Variants in FABP4 observed in about 807,000 individuals in gnomAD.
FABP4 encodes the protein fatty acid binding protein 4.
A neutral mutation model predicts 14.6 loss-of-function variants in FABP4; 17 were observed. That is an observed-to-expected ratio of 1.16 (90% CI 0.80 to 1.74). The LOEUF is 1.74. Among genes scored for constraint, FABP4 ranks in the 40% most tolerant of loss-of-function variants. FABP4 has a pLI of 0.00. For missense variants in FABP4, 149 were observed against 160.3 expected (o/e 0.93, Z 0.38); for synonymous variants, 54 against 54.6 (o/e 0.99, Z 0.05).
chr8:81,480,171 G>A (rs182507249), intron 2 of FABP4, among the ~76,000 whole-genome samples: 2 of 152,264 alleles, frequency 1.3e-5, no homozygotes, highest in African/African-American at 4.8e-5. Flanking sequence ...ATTGTGCCAT[G>A]TCACCGCAGC....
At chr8:81,480,632 C>T in intron 1 of FABP4, 34 bp from the exon 2 acceptor site, 1 of 1,579,350 alleles carries the variant, frequency 6.3e-7, no homozygotes, top group Non-Finnish European at 8.6e-7. Context: ...GTCAGATTTA[C>T]ATTTTCTCTC....
Position 81,483,147 on chromosome 8 carries a change from A to T in FABP4, c.21T>A (p.Gly7=). 1 of 1,610,982 alleles carries T rather than the reference A, an allele frequency of 6.2e-7. No homozygotes were observed. Among genetic ancestry groups the T allele is most frequent in the Non-Finnish European group, 8.5e-7 (1 of 1,178,638 alleles). The change falls in exon 1 of 4, where the codon GGT becomes GGA. Residue 7 remains glycine, a synonymous_variant. Transcript: ENST00000256104. ...TTTCACTGGAGACAAGTTTCCAGGT[A>T]CCTACAAAAGCATCACACATTTTGT... is the stretch of plus-strand genomic sequence containing the variant. MCDAFV[G]TWKLVSSENF...
chr8:81,479,784 A>G (rs779923457), intron 2 of FABP4: 31 of 268,762 alleles, frequency 1.2e-4, no homozygotes, highest in Non-Finnish European at 2.1e-4. Flanking sequence ...TGGTAGTAGT[A>G]TGGGTGGTTT....
intron 2 of FABP4, 53 bp from the exon 3 acceptor site, chr8:81,479,568 T>A: frequency 7.5e-7 from 1 of 1,329,104 alleles, no homozygotes; most frequent in Non-Finnish European, 1.1e-6. Flanking sequence ...CAGAAAAAAA[T>A]TTAAAATAGA....
chr8:81,483,013 C>T lies in FABP4; in HGVS notation c.73+82G>A. ...TTCATTTCTGGCCAGGGCTTCCAGA[C>T]ATTGCTATAAACACAGCTGTAAACT... On this transcript the variant is annotated intron_variant, in intron 1 of 3. Coordinates refer to ENST00000256104, the MANE Select transcript of FABP4 (RefSeq NM_001442.3). 6 of 1,087,242 alleles carry T rather than the reference C, an allele frequency of 5.5e-6. No individual in the cohort carries two copies. In the South Asian group the frequency reaches 1.1e-4, roughly 19 times the overall value. 67.3% of individuals were successfully genotyped at this position (1,087,242 alleles called of 1,614,324 possible). A position where few individuals can be genotyped will look rare whatever the true frequency, so the allele number is the denominator to read the frequency against.
chr8:81,481,083 T>C (rs953700661), intron 1 of FABP4, among the ~76,000 whole-genome samples: 1 of 152,174 alleles, frequency 6.6e-6, no homozygotes, highest in Non-Finnish European at 1.5e-5. Context: ...TGGGGGTTAA[T>C]GTAGAGTTAT....
intron 1 of FABP4, among the ~76,000 whole-genome samples, chr8:81,481,033 C>A (rs1808071875): frequency 6.6e-6 from 1 of 152,110 alleles, no homozygotes; most frequent in Non-Finnish European, 1.5e-5. Flanking sequence ...CTCAATATTA[C>A]ATTTAAGAAG....
chr8:81,478,775 T>C lies in FABP4; in HGVS notation c.*90A>G. Reference sequence around the variant, plus strand: ...AGAAAATTAGTTGCTTGCTAAATCATGGAAAACAACAATATCTTTTTGAAC... The same window carrying C: ...AGAAAATTAGTTGCTTGCTAAATCACGGAAAACAACAATATCTTTTTGAAC... On this transcript the variant is annotated 3_prime_UTR_variant, in exon 4 of 4. Transcript: ENST00000256104. 1 of 1,224,554 alleles carries C rather than the reference T, an allele frequency of 8.2e-7. No homozygotes were observed. The highest frequency in any genetic ancestry group is 1.2e-6 in the Non-Finnish European group (1 of 865,540). 75.9% of individuals were successfully genotyped at this position (1,224,554 alleles called of 1,614,324 possible).
chr8:81,481,093 TTTAG>T (rs1239688506), intron 1 of FABP4, among the ~76,000 whole-genome samples: 1 of 152,192 alleles, frequency 6.6e-6, no homozygotes, highest in Admixed American at 6.5e-5. Context: ...TGTAGAGTTA[TTTAG>T]TTAAAGGTTC....
At chr8:81,480,000 G>T (rs1022754203) in intron 2 of FABP4, 6 of 154,342 alleles carry the variant, frequency 3.9e-5, no homozygotes, top group Non-Finnish European at 8.1e-5. Context: ...TTGAGGCCAG[G>T]AGTTCGAGAC....
At chr8:81,480,682 G>GTACTTATCCAA in intron 1 of FABP4, 84 bp from the exon 2 acceptor site, 1 of 1,234,980 alleles carries the variant, frequency 8.1e-7, no homozygotes. Flanking sequence ...TGTGCACACA[G>GTACTTATCCAA]GTGCATGTGC....
intron 1 of FABP4, among the ~76,000 whole-genome samples, chr8:81,480,981 TA>T (rs1357157446): frequency 1.3e-5 from 2 of 152,196 alleles, no homozygotes; most frequent in African/African-American, 4.8e-5. Context: ...TTTTCTCTCT[TA>T]ATAAAATACT....
chr8:81,478,662 G>C lies in FABP4; in HGVS notation c.*203C>G. ...AGTTATGACTAAGAATACATCATAA[G>C]CACAATGAATACATCATTACATCAC... On this transcript the variant is annotated 3_prime_UTR_variant, in exon 4 of 4. Transcript: ENST00000256104. 2.2e-6 allele frequency: 1 copy of C among 457,034 alleles called. No individual in the cohort carries two copies. Among genetic ancestry groups the C allele is most frequent in the Non-Finnish European group, 3.9e-6 (1 of 255,486 alleles). 28.3% of individuals were successfully genotyped at this position (457,034 alleles called of 1,614,324 possible). A position where few individuals can be genotyped will look rare whatever the true frequency, so the allele number is the denominator to read the frequency against.
intron 1 of FABP4, among the ~76,000 whole-genome samples, chr8:81,481,484 G>C (rs1808078889): frequency 6.6e-6 from 1 of 152,148 alleles, no homozygotes; most frequent in African/African-American, 2.4e-5. Context: ...GCCTAACATA[G>C]CAGTAACTTG....
chr8:81,478,789 A>G lies in FABP4; in HGVS notation c.*76T>C. On this transcript the variant is annotated 3_prime_UTR_variant, in exon 4 of 4. Transcript: ENST00000256104. ...TTGCTAAATCATGGAAAACAACAAT[A>G]TCTTTTTGAACAATATATCCCACAG... 7.6e-7 allele frequency: 1 copy of G among 1,311,606 alleles called. No individual in the cohort carries two copies. The highest frequency in any genetic ancestry group is 1.1e-6 in the Non-Finnish European group (1 of 937,502). 81.2% of individuals were successfully genotyped at this position (1,311,606 alleles called of 1,614,324 possible).
chr8:81,480,464 C>A lies in FABP4; in HGVS notation c.208G>T (p.Glu70Ter), dbSNP rs1479874287. ...NTEISFILGQ[E>*]FDEVTADDRK... ...TCATCTGCAGTGACTTCGTCAAATT[C>A]CTGGCCCAGTATGAAGGAAATCTCA... Residue 70 changes from glutamate (E) to a stop codon, truncating the protein, a stop_gained, in exon 2 of 4, where the codon GAA (glutamate) becomes TAA (stop). Coordinates refer to ENST00000256104, the MANE Select transcript of FABP4 (RefSeq NM_001442.3). LOFTEE classifies it high-confidence loss of function. 2 of 1,613,748 alleles carry A rather than the reference C, an allele frequency of 1.2e-6. No homozygotes were observed. The highest frequency in any genetic ancestry group is 2.2e-5 in the South Asian group (2 of 91,056).
chr8:81,481,640 C>T (rs1031861047), intron 1 of FABP4, among the ~76,000 whole-genome samples: 1 of 152,110 alleles, frequency 6.6e-6, no homozygotes, highest in Non-Finnish European at 1.5e-5. Flanking sequence ...ATATATGGCG[C>T]AAAATAAGTA....
intron 3 of FABP4, among the ~76,000 whole-genome samples, 177 bp from the exon 4 acceptor site, chr8:81,479,092 C>G (rs989906411): frequency 6.6e-6 from 1 of 152,020 alleles, no homozygotes; most frequent in Non-Finnish European, 1.5e-5. Context: ...CAGGAAAATA[C>G]AAGTTTTCCC....
Position 81,478,823 on chromosome 8 carries a change from A to T in FABP4, c.*42T>A, listed in dbSNP as rs963872956. The T allele has an allele frequency of 1.9e-6, 3 of 1,558,216 alleles. No individual in the cohort carries two copies. Among genetic ancestry groups the T allele is most frequent in the African/African-American group, 1.4e-5 (1 of 73,456 alleles). ...AACAATATATCCCACAGAATGTTGT[A>T]GAGTTCAATGCGAACTTCAGTCCAG... is the stretch of plus-strand genomic sequence containing the variant. On this transcript the variant is annotated 3_prime_UTR_variant, in exon 4 of 4. Coordinates refer to ENST00000256104, the MANE Select transcript of FABP4 (RefSeq NM_001442.3).
Sources: gnomAD v4.1 joint callset for allele counts (sites outside exome capture counted in the v4.1 genomes callset) on GRCh38, gnomAD v4.1.1 for gene constraint, MANE v1.5 for transcripts, NCBI Gene and HGNC (gene_info 2026-07-23, HGNC 2026-07-21) for gene names.